Variants in DNM3 observed in about 807,000 individuals in gnomAD.
The protein encoded by DNM3 is dynamin-3.
Under a neutral mutation model 101.6 loss-of-function variants are expected in DNM3, and 47 were observed. The observed-to-expected ratio is 0.46, with a 90% CI of 0.37 to 0.59. DNM3 has a LOEUF of 0.59. Ranked by LOEUF, DNM3 falls within the 20% of genes least tolerant of loss-of-function variation. The probability of loss-of-function intolerance (pLI) is 0.00; values close to 1 mark genes in which losing one functional copy is unlikely to be tolerated. For missense variants in DNM3, 849 were observed against 1,085.7 expected (o/e 0.78, Z 3.06); for synonymous variants, 385 against 387.9 (o/e 0.99, Z 0.09).
intron 14 of DNM3, among the ~76,000 whole-genome samples, chr1:172,251,758 A>T (rs553386928): frequency 6.6e-6 from 1 of 152,260 alleles, no homozygotes; most frequent in East Asian, 1.9e-4. Flanking sequence ...CAAATCTATC[A>T]TTTCAAAAGG....
intron 14 of DNM3, among the ~76,000 whole-genome samples, chr1:172,188,629 A>G (rs138130208): frequency 6.6e-6 from 1 of 152,176 alleles, no homozygotes; most frequent in African/African-American, 2.4e-5. Context: ...GAAAAAAGCT[A>G]CTCTAAACAT....
At chr1:171,991,939 C>T (rs940614019) in intron 4 of DNM3, among the ~76,000 whole-genome samples, 5 of 152,302 alleles carry the variant, frequency 3.3e-5, no homozygotes, top group East Asian at 1.9e-4. Context: ...ATTTCTCTTT[C>T]GTCCTACCTT....
At chr1:171,921,652 T>C in intron 1 of DNM3, 96 bp from the exon 2 acceptor site, 1 of 942,340 alleles carries the variant, frequency 1.1e-6, no homozygotes, top group Non-Finnish European at 1.7e-6. Context: ...CATTGAAAGG[T>C]TGGGAATTAG....
At chr1:172,023,906 T>G (rs568306713) in intron 4 of DNM3, among the ~76,000 whole-genome samples, 96 of 151,786 alleles carry the variant, frequency 6.3e-4, no homozygotes, top group African/African-American at 2.2e-3. Context: ...GAACAATTCC[T>G]TGAGTTTTTC....
intron 9 of DNM3, among the ~76,000 whole-genome samples, chr1:172,046,420 G>T (rs914974222): frequency 6.6e-6 from 1 of 152,120 alleles, no homozygotes; most frequent in Non-Finnish European, 1.5e-5. Context: ...TGGGAGTAGG[G>T]GGGAGGGATA....
At chr1:172,207,218 C>T (rs550126228) in intron 14 of DNM3, among the ~76,000 whole-genome samples, 76 of 152,182 alleles carry the variant, frequency 5.0e-4, no homozygotes, top group African/African-American at 1.7e-3. Flanking sequence ...TCAGAAAACA[C>T]TGACGTGATG....
At chr1:172,016,539 C>A (rs1469497677) in intron 4 of DNM3, among the ~76,000 whole-genome samples, 1 of 152,152 alleles carries the variant, frequency 6.6e-6, no homozygotes, top group Admixed American at 6.5e-5. Context: ...AACCTATATT[C>A]ATAAGAGATA....
At chr1:172,044,741 C>T (rs942778716) in intron 9 of DNM3, among the ~76,000 whole-genome samples, 2 of 152,186 alleles carry the variant, frequency 1.3e-5, no homozygotes, top group Non-Finnish European at 2.9e-5. Flanking sequence ...CTTCATTTTT[C>T]ATGAGGGAGG....
intron 17 of DNM3, among the ~76,000 whole-genome samples, chr1:172,331,638 G>T (rs2066189775): frequency 6.6e-6 from 1 of 152,136 alleles, no homozygotes; most frequent in South Asian, 2.1e-4. Context: ...TAAAGTGTCT[G>T]GTTCCTATGT....
intron 17 of DNM3, among the ~76,000 whole-genome samples, chr1:172,358,598 A>AAACAGCAAC (rs1472540318): frequency 1.1e-4 from 17 of 152,072 alleles, no homozygotes; most frequent in African/African-American, 3.9e-4. Context: ...CACCAGAATG[A>AAACAGCAAC]AACAGCAACA....
At chr1:171,939,019 T>A (rs1571723158) in intron 2 of DNM3, among the ~76,000 whole-genome samples, 1 of 152,180 alleles carries the variant, frequency 6.6e-6, no homozygotes, top group African/African-American at 2.4e-5. Flanking sequence ...TTCTTCCTTT[T>A]TTTTCCTTAC....
At chr1:172,180,403 T>C (rs1028358597) in intron 14 of DNM3, among the ~76,000 whole-genome samples, 8 of 152,056 alleles carry the variant, frequency 5.3e-5, no homozygotes, top group Admixed American at 2.0e-4. Flanking sequence ...CAAAGAACAG[T>C]GTGTGATTTT....
intron 15 of DNM3, among the ~76,000 whole-genome samples, chr1:172,286,931 A>T (rs965176765): frequency 3.3e-5 from 5 of 152,222 alleles, no homozygotes; most frequent in African/African-American, 1.2e-4. Context: ...AGTAATCACA[A>T]CCACAGCTGA....
intron 14 of DNM3, among the ~76,000 whole-genome samples, chr1:172,198,602 G>A (rs1473914917): frequency 1.3e-5 from 2 of 151,954 alleles, no homozygotes; most frequent in Admixed American, 6.6e-5. Context: ...CTTGCTGTTG[G>A]TCTGTTCGGA....
At chr1:172,024,366 C>T (rs999696577) in intron 4 of DNM3, among the ~76,000 whole-genome samples, 22 of 152,072 alleles carry the variant, frequency 1.4e-4, no homozygotes, top group Admixed American at 3.9e-4. Context: ...ATTTACAGAC[C>T]GTGATCCTTT....
intron 16 of DNM3, among the ~76,000 whole-genome samples, chr1:172,313,767 C>CATTT (rs58904855): frequency 0.029 from 4,335 of 151,290 alleles, 115 homozygotes; most frequent in African/African-American, 0.071. Flanking sequence ...TGTCTCATAG[C>CATTT]ATTTATTTAT....
intron 2 of DNM3, among the ~76,000 whole-genome samples, chr1:171,982,662 T>G (rs201766653): frequency 1.3e-5 from 2 of 148,770 alleles, no homozygotes; most frequent in East Asian, 2.0e-4. Flanking sequence ...ATGTGTGTGT[T>G]TGTGTGTGTG....
intron 14 of DNM3, among the ~76,000 whole-genome samples, chr1:172,202,119 T>C (rs2148488857): frequency 6.6e-6 from 1 of 152,278 alleles, no homozygotes; most frequent in Non-Finnish European, 1.5e-5. Flanking sequence ...GTTGTTGTAT[T>C]TACTTGCCCT....
chr1:172,075,272 C>T (rs563966266), intron 11 of DNM3, among the ~76,000 whole-genome samples: 1 of 152,010 alleles, frequency 6.6e-6, no homozygotes, highest in Non-Finnish European at 1.5e-5. Flanking sequence ...TGCCTTTTCA[C>T]TCTGATGATA....
Sources: allele counts gnomAD v4.1 joint callset (sites outside exome capture counted in the v4.1 genomes callset), GRCh38; gene constraint gnomAD v4.1.1; transcripts MANE v1.5; gene names NCBI Gene and HGNC (gene_info 2026-07-23, HGNC 2026-07-21).